Variants in ZNF280A observed in about 807,000 individuals in gnomAD.
The protein encoded by ZNF280A is zinc finger protein 280A.
A neutral mutation model predicts 35.9 loss-of-function variants in ZNF280A; 26 were observed. The ratio of observed to expected loss-of-function variants is 0.72; its 90% CI spans 0.53 to 1.01. The LOEUF is 1.01. Among genes scored for constraint, ZNF280A ranks in the 50% least tolerant of loss-of-function variants. The pLI is 0.00. For synonymous variants in ZNF280A, 231 were observed against 232.9 expected (o/e 0.99, Z 0.07); for missense variants, 654 against 652.0 (o/e 1.00, Z -0.03).
Position 22,514,034 on chromosome 22 carries a change from A to G in ZNF280A, c.1597T>C (p.Ser533Pro). 1 of 1,585,124 alleles carries G rather than the reference A, an allele frequency of 6.3e-7. No individual in the cohort carries two copies. The highest frequency in any genetic ancestry group is 1.1e-5 in the South Asian group (1 of 87,252). Residue 533 changes from serine to proline, a missense_variant, in exon 2 of 2, where the codon TCC (serine) becomes CCC (proline). Coordinates refer to ENST00000302097, the MANE Select transcript of ZNF280A (RefSeq NM_080740.5). ...GAATCCTTGCTGCAAGGGAGTCTGG[A>G]ATCTCTAGTGTTCATAGCCGTCTTC... Reference protein sequence around the residue: ...KKKTAMNTRDSRLPCSKDSS With the variant: ...KKKTAMNTRDPRLPCSKDSS
chr22:22,518,168 G>T (rs1394431090), intron 1 of ZNF280A, among the ~76,000 whole-genome samples: 3 of 151,604 alleles, frequency 2.0e-5, no homozygotes, highest in Non-Finnish European at 4.4e-5. Context: ...CTCGTGATCC[G>T]CCCGCCTCGG....
At position 22,514,353 on chromosome 22, in the gene ZNF280A, C is replaced by G. The variant is rs753435471; in HGVS notation, c.1278G>C (p.Leu426=). Residue 426 remains leucine, a synonymous_variant, in exon 2 of 2, where the codon CTG becomes CTC. Coordinates refer to ENST00000302097, the MANE Select transcript of ZNF280A (RefSeq NM_080740.5). ...CAGTTTTGAAAAGTTTGAGACAAAA[C>G]AGACAAAGCAAATTCTTTGTGTTTT... ...CHENTKNLLC[L]FCLKLFKTAI... is the part of the protein sequence containing the mutation. 1.2e-6 allele frequency: 2 copies of G among 1,613,900 alleles called. No homozygotes were observed. The highest frequency in any genetic ancestry group is 2.2e-5 in the East Asian group (1 of 44,818).
Position 22,513,981 on chromosome 22 carries a change from G to A in ZNF280A, c.*21C>T, listed in dbSNP as rs1023835565. On this transcript the variant is annotated 3_prime_UTR_variant, in exon 2 of 2. Coordinates refer to ENST00000302097, the MANE Select transcript of ZNF280A (RefSeq NM_080740.5). ...CTCACTTCTGCCTTTCGGAACTCCT[G>A]GAAGTCAGTCGAACATATTTTCAGC... 7.2e-7 allele frequency: 1 copy of A among 1,384,194 alleles called. No homozygotes were observed. Among genetic ancestry groups the A allele is most frequent in the African/African-American group, 1.4e-5 (1 of 69,112 alleles). The allele number at this position is 1,384,194 out of a possible 1,614,324, so 85.7% of individuals were successfully genotyped here.
Position 22,513,774 on chromosome 22 carries a change from A to G in ZNF280A, c.*228T>C, listed in dbSNP as rs1046337381. ...ATTTATTTAAAGTTCATGAACAAGA[A>G]AAACCTCTGAGGTCAGAATAAGGGA... On this transcript the variant is annotated 3_prime_UTR_variant, in exon 2 of 2. Transcript: ENST00000302097. 12 of 448,520 alleles carry G rather than the reference A, an allele frequency of 2.7e-5. No individual in the cohort carries two copies. Among genetic ancestry groups the G allele is most frequent in the Non-Finnish European group, 4.3e-5 (11 of 257,760 alleles). 27.8% of individuals were successfully genotyped at this position (448,520 alleles called of 1,614,324 possible).
rs751769500 is a variant in ZNF280A, at chr22:22,515,647, G to T, written c.-17C>A. 9 of 1,558,242 alleles carry T rather than the reference G, an allele frequency of 5.8e-6. No individual in the cohort carries two copies. The East Asian group carries it at 2.0e-4, about 35-fold the overall frequency. The stretch of plus-strand genomic sequence containing the variant: ...ATCTCCCATTTTCAATTTACTTTTT[G>T]CTTGAAGCCACTGGTCTCTTCAACT... On this transcript the variant is annotated 5_prime_UTR_variant, in exon 2 of 2. Coordinates refer to ENST00000302097, the MANE Select transcript of ZNF280A (RefSeq NM_080740.5).
Position 22,515,080 on chromosome 22 carries a change from C to T in ZNF280A, c.551G>A (p.Arg184Lys). The change falls in exon 2 of 2, where the codon AGG becomes AAG. Residue 184 changes from arginine to lysine, a missense_variant. Arg to Lys is a conservative substitution (Grantham distance 26). Coordinates refer to ENST00000302097, the MANE Select transcript of ZNF280A (RefSeq NM_080740.5). The stretch of plus-strand genomic sequence containing the variant: ...AGAAGGTACCCCTGGGATTCCATCC[C>T]TGAGTTTAACCCTTTTGGAATCTCT... The part of the protein sequence containing the change: ...NSRDSKRVKL[R>K]DGIPGVPSLA... 1 of 1,613,880 alleles carries T rather than the reference C, an allele frequency of 6.2e-7. No homozygotes were observed. Among genetic ancestry groups the T allele is most frequent in the Non-Finnish European group, 8.5e-7 (1 of 1,179,988 alleles).
chr22:22,519,753 TAC>T (rs2062118587), intron 1 of ZNF280A, among the ~76,000 whole-genome samples: 1 of 151,772 alleles, frequency 6.6e-6, no homozygotes, highest in Non-Finnish European at 1.5e-5. Context: ...GTGACTAAGG[TAC>T]AGAGAGCGCA....
rs775824557 is a variant in ZNF280A at position 22,514,296 on chromosome 22, G to C, written c.1335C>G (p.His445Gln). 4 of 1,613,816 alleles carry C rather than the reference G, an allele frequency of 2.5e-6. No homozygotes were observed. Among genetic ancestry groups the C allele is most frequent in the Non-Finnish European group, 3.4e-6 (4 of 1,180,002 alleles). ...AACACTGAAGGACCCTCCTTCTGCT[G>C]TGCCTCCAACAATGATTCATGTATG... ...AIPYMNHCWR[H>Q]SRRRVLQCSK... The change falls in exon 2 of 2, where the codon CAC becomes CAG. Residue 445 changes from histidine (H) to glutamine (Q), a missense_variant. His to Gln is a conservative substitution (Grantham distance 24). Coordinates refer to ENST00000302097, the MANE Select transcript of ZNF280A (RefSeq NM_080740.5).
Position 22,514,885 on chromosome 22 carries a change from G to T in ZNF280A, c.746C>A (p.Ala249Asp), listed in dbSNP as rs362124. 6.2e-7 allele frequency: 1 copy of T among 1,613,064 alleles called. No individual in the cohort carries two copies. Among genetic ancestry groups the T allele is most frequent in the South Asian group, 1.1e-5 (1 of 91,026 alleles). ...ACTTGAAATGTCTGTCATTGCCAGG[G>T]CAGACTCACTTGCTCTCTCTGGATC... The part of the protein sequence containing the change: ...LTDPERASES[A>D]LAMTDISSLA... Residue 249 changes from alanine to aspartate, a missense_variant, in exon 2 of 2, where the codon GCC becomes GAC. Physicochemically the swap from Ala to Asp is moderately radical, Grantham distance 126 (BLOSUM62 -2). Coordinates refer to ENST00000302097, the MANE Select transcript of ZNF280A (RefSeq NM_080740.5).
rs537537458 is a variant in ZNF280A, at chr22:22,516,264, C to G, written c.-71-563G>C. 6.6e-4 allele frequency among the ~76,000 whole-genome samples: 98 copies of G among 148,722 alleles called. 1 individual carries two copies. Among genetic ancestry groups the G allele is most frequent in the South Asian group, 2.4e-3 (11 of 4,652 alleles). ...CCAGCCTGGGCAACCAAATGAGACC[C>G]CATCACACAAACACACACACACACA... On this transcript the variant is annotated intron_variant, in intron 1 of 1. Transcript: ENST00000302097.
rs779562591 is a variant in ZNF280A at position 22,514,942 on chromosome 22, T to A, written c.689A>T (p.Asp230Val). 2.5e-6 allele frequency: 4 copies of A among 1,613,784 alleles called. No homozygotes were observed. In the East Asian group the frequency reaches 8.9e-5, roughly 36 times the overall value. The change falls in exon 2 of 2, where the codon GAT (aspartate) becomes GTT (valine). Residue 230 changes from aspartate to valine, a missense_variant. Coordinates refer to ENST00000302097, the MANE Select transcript of ZNF280A (RefSeq NM_080740.5). ...VQNGVTFPWP[D>V]ANGKAHFNLT... ...ATTGAAATGTGCCTTTCCATTAGCATCAGGCCAAGGAAATGTTACTCCATT... is the reference window on the plus strand; with the variant it reads ...ATTGAAATGTGCCTTTCCATTAGCAACAGGCCAAGGAAATGTTACTCCATT...
At chr22:22,519,196 G>A (rs982256777) in intron 1 of ZNF280A, among the ~76,000 whole-genome samples, 9 of 151,868 alleles carry the variant, frequency 5.9e-5, no homozygotes, top group Non-Finnish European at 1.0e-4. Flanking sequence ...CACTTTGGGA[G>A]GCTGAGGTGG....
intron 1 of ZNF280A, among the ~76,000 whole-genome samples, chr22:22,519,502 T>A (rs1176083467): frequency 6.6e-6 from 1 of 152,028 alleles, no homozygotes; most frequent in African/African-American, 2.4e-5. Context: ...AATATCTTTA[T>A]GTACTGTAGA....
rs935262490 is a variant in ZNF280A at position 22,514,717 on chromosome 22, T to G, written c.914A>C (p.Lys305Thr). The G allele has an allele frequency of 1.2e-6, 2 of 1,613,826 alleles. No homozygotes were observed. The highest frequency in any genetic ancestry group is 2.7e-5 in the African/African-American group (2 of 74,874). The change falls in exon 2 of 2, where the codon AAA becomes ACA. Residue 305 changes from lysine (K) to threonine (T), a missense_variant. By Grantham distance (78) the Lys-to-Thr change is moderately conservative. Transcript: ENST00000302097. ...HTTFKCLSCV[K>T]VLKNIKFMNH... ...CATAAACTTAATATTTTTTAGAACT[T>G]TCACGCAGCTGAGGCATTTAAAGGT...
rs147857577 is a variant in ZNF280A, at chr22:22,515,306, G to A, written c.325C>T (p.Arg109Ter). 3.0e-5 allele frequency: 48 copies of A among 1,613,682 alleles called. No homozygotes were observed. Among genetic ancestry groups the A allele is most frequent in the African/African-American group, 8.0e-5 (6 of 74,824 alleles). ...AIMPVSLSEG[R>*]STDSPVTMKS... The stretch of plus-strand genomic sequence containing the variant: ...ATAGTGACAGGACTATCTGTCGATC[G>A]CCCCTCAGACAGAGAAACCGGCATG... The change falls in exon 2 of 2, where the codon CGA becomes TGA. Residue 109 changes from arginine to a stop codon, truncating the protein, a stop_gained. Transcript: ENST00000302097. LOFTEE classifies it high-confidence loss of function.
Position 22,515,149 on chromosome 22 carries a change from C to G in ZNF280A, c.482G>C (p.Ser161Thr), listed in dbSNP as rs774400983. ...GGAAAGTCGCTTTGAATCAGGAGAA[C>G]TCTCATTTCTGCCTCCTCCAGAGAC... ...AMVSGGGRNE[S>T]SPDSKRLSTS... Residue 161 changes from serine to threonine, a missense_variant, in exon 2 of 2, where the codon AGT becomes ACT. By Grantham distance (58) the Ser-to-Thr change is moderately conservative. Coordinates refer to ENST00000302097, the MANE Select transcript of ZNF280A (RefSeq NM_080740.5). 3.8e-5 allele frequency: 62 copies of G among 1,613,904 alleles called. No individual in the cohort carries two copies. The highest frequency in any genetic ancestry group is 5.2e-5 in the Non-Finnish European group (61 of 1,179,980).
Position 22,515,104 on chromosome 22 carries a change from C to A in ZNF280A, c.527G>T (p.Arg176Ile). ...CCTGAGTTTAACCCTTTTGGAATCT[C>A]TGCTGTTTATATCTGAAGTGGAAAG... ...KRLSTSDINS[R>I]DSKRVKLRDG... Residue 176 changes from arginine (R) to isoleucine (I), a missense_variant, in exon 2 of 2, where the codon AGA (arginine) becomes ATA (isoleucine). Coordinates refer to ENST00000302097, the MANE Select transcript of ZNF280A (RefSeq NM_080740.5). 6.2e-7 allele frequency: 1 copy of A among 1,613,898 alleles called. No homozygotes were observed. The highest frequency in any genetic ancestry group is 8.5e-7 in the Non-Finnish European group (1 of 1,179,978).
chr22:22,517,094 ACT>A (rs1410327144), intron 1 of ZNF280A, among the ~76,000 whole-genome samples: 1 of 151,578 alleles, frequency 6.6e-6, no homozygotes, highest in East Asian at 2.0e-4. Context: ...GGAAAGGAAG[ACT>A]CTGTGTCTTA....
intron 1 of ZNF280A, among the ~76,000 whole-genome samples, chr22:22,519,440 A>C (rs974859454): frequency 2.0e-5 from 3 of 152,002 alleles, no homozygotes; most frequent in Non-Finnish European, 2.9e-5. Context: ...TTTCAAAAAA[A>C]TAAATTAATA....
Sources: gnomAD v4.1 joint callset for allele counts (sites outside exome capture counted in the v4.1 genomes callset) on GRCh38, gnomAD v4.1.1 for gene constraint, MANE v1.5 for transcripts, NCBI Gene and HGNC (gene_info 2026-07-23, HGNC 2026-07-21) for gene names.